GALNT13: variants seen among roughly 807,000 people sequenced by gnomAD.
The protein encoded by GALNT13 is UDP-GalNAc:polypeptide N-acetylgalactosaminyltransferase 13.
A neutral mutation model predicts 64.2 loss-of-function variants in GALNT13; 28 were observed. That is an observed-to-expected ratio of 0.44 (90% CI 0.32 to 0.60). GALNT13 has a LOEUF of 0.60. GALNT13 is among the 20% of genes least tolerant of loss of function. GALNT13 has a pLI of 0.05. For missense variants in GALNT13, 577 were observed against 669.8 expected (o/e 0.86, Z 1.53); for synonymous variants, 214 against 224.6 (o/e 0.95, Z 0.42).
intron 4 of GALNT13, among the ~76,000 whole-genome samples, chr2:154,206,674 G>A (rs940294328): frequency 6.6e-6 from 1 of 151,802 alleles, no homozygotes; most frequent in Non-Finnish European, 1.5e-5. Flanking sequence ...GTGGGTGCCT[G>A]TAATCCCAGC....
At chr2:153,918,231 T>G (rs11692421) in intron 2 of GALNT13, among the ~76,000 whole-genome samples, 117,463 of 152,020 alleles carry the variant, frequency 0.77, 45,799 homozygotes, top group East Asian at 0.96. Flanking sequence ...AAAAATATCT[T>G]TCTACCACTT....
chr2:154,025,855 C>T (rs1697920958), intron 3 of GALNT13, among the ~76,000 whole-genome samples: 1 of 151,986 alleles, frequency 6.6e-6, no homozygotes, highest in Non-Finnish European at 1.5e-5. Context: ...TAGGGGGTAA[C>T]TGGGTCTTGA....
intron 11 of GALNT13, among the ~76,000 whole-genome samples, chr2:154,423,633 A>G (rs780517702): frequency 2.0e-5 from 3 of 152,204 alleles, no homozygotes; most frequent in East Asian, 1.9e-4. Context: ...ACATAAATAC[A>G]TAGCCCCCAA....
intron 3 of GALNT13, among the ~76,000 whole-genome samples, chr2:154,005,450 A>G (rs947580029): frequency 6.6e-6 from 1 of 152,180 alleles, no homozygotes; most frequent in African/African-American, 2.4e-5. Flanking sequence ...AATCTGCAAG[A>G]CTGAAGTTCT....
the GALNT13 span, among the ~76,000 whole-genome samples, chr2:153,774,121 A>G: frequency 6.6e-6 from 1 of 152,120 alleles, no homozygotes; most frequent in Non-Finnish European, 1.5e-5. Flanking sequence ...TCATGTTTTT[A>G]TATTATAGAA....
At chr2:154,225,279 G>C (rs1688558155) in intron 4 of GALNT13, among the ~76,000 whole-genome samples, 1 of 152,026 alleles carries the variant, frequency 6.6e-6, no homozygotes, top group Non-Finnish European at 1.5e-5. Context: ...AAAAATGCAA[G>C]TTAAAACTGT....
intron 11 of GALNT13, among the ~76,000 whole-genome samples, chr2:154,424,026 G>A (rs1230714858): frequency 6.6e-6 from 1 of 152,126 alleles, no homozygotes; most frequent in African/African-American, 2.4e-5. Context: ...ATTCTATAAA[G>A]TGCCTGATAA....
intron 1 of GALNT13, among the ~76,000 whole-genome samples, chr2:153,890,140 T>C (rs1687458599): frequency 6.6e-6 from 1 of 151,962 alleles, no homozygotes; most frequent in South Asian, 2.1e-4. Flanking sequence ...AGGATGTCTT[T>C]GTAACATAAA....
At chr2:154,417,485 A>T (rs1166998086) in intron 11 of GALNT13, among the ~76,000 whole-genome samples, 2 of 139,018 alleles carry the variant, frequency 1.4e-5, no homozygotes, top group East Asian at 4.2e-4. Flanking sequence ...TGACCTTGCC[A>T]TGCTTTTATT....
the GALNT13 span, among the ~76,000 whole-genome samples, chr2:153,648,584 A>T: frequency 6.6e-6 from 1 of 152,136 alleles, no homozygotes; most frequent in African/African-American, 2.4e-5. Flanking sequence ...CCCATTCAGT[A>T]TGATATTGGC....
At chr2:153,271,139 T>C in the GALNT13 span, among the ~76,000 whole-genome samples, 13 of 152,120 alleles carry the variant, frequency 8.5e-5, no homozygotes, top group Admixed American at 7.2e-4. Flanking sequence ...AAGAGCTATT[T>C]ATGACAAACC....
At chr2:153,350,406 G>A in the GALNT13 span, among the ~76,000 whole-genome samples, 5 of 116,288 alleles carry the variant, frequency 4.3e-5, no homozygotes, top group African/African-American at 7.0e-5. Flanking sequence ...TTTTTGAGAC[G>A]GAGTTGCGTT....
chr2:154,090,910 C>T (rs1335168777), intron 3 of GALNT13, among the ~76,000 whole-genome samples: 1 of 151,616 alleles, frequency 6.6e-6, no homozygotes, highest in Non-Finnish European at 1.5e-5. Context: ...TCACATTGGA[C>T]TCTTTTGCAT....
At chr2:153,707,880 T>G in the GALNT13 span, among the ~76,000 whole-genome samples, 1 of 152,178 alleles carries the variant, frequency 6.6e-6, no homozygotes, top group Non-Finnish European at 1.5e-5. Context: ...TCCAGAAGGC[T>G]TCTGGACAGA....
the GALNT13 span, among the ~76,000 whole-genome samples, chr2:153,763,152 T>C: frequency 2.2e-4 from 34 of 152,270 alleles, no homozygotes; most frequent in African/African-American, 7.5e-4. Flanking sequence ...CATACTGAGA[T>C]AAAACTGGTT....
At chr2:153,287,890 C>A in the GALNT13 span, among the ~76,000 whole-genome samples, 1 of 152,138 alleles carries the variant, frequency 6.6e-6, no homozygotes, top group Non-Finnish European at 1.5e-5. Context: ...TGGGCACAGG[C>A]CCGAGGGTGG....
At chr2:154,327,302 A>G (rs1694929135) in intron 9 of GALNT13, among the ~76,000 whole-genome samples, 2 of 151,798 alleles carry the variant, frequency 1.3e-5, no homozygotes, top group Non-Finnish European at 2.9e-5. Context: ...AGTCAACTAA[A>G]CCTCCCTCCT....
At chr2:153,083,883 G>C in the GALNT13 span, among the ~76,000 whole-genome samples, 6 of 152,192 alleles carry the variant, frequency 3.9e-5, no homozygotes, top group African/African-American at 1.4e-4. Context: ...TTAGATTTAA[G>C]TATTTGATCC....
At chr2:154,170,967 T>C (rs1685315141) in intron 4 of GALNT13, among the ~76,000 whole-genome samples, 1 of 152,208 alleles carries the variant, frequency 6.6e-6, no homozygotes, top group African/African-American at 2.4e-5. Context: ...CAAAATCTTA[T>C]AAGCAGTAGT....
Sources: allele counts gnomAD v4.1 joint callset (sites outside exome capture counted in the v4.1 genomes callset), GRCh38; gene constraint gnomAD v4.1.1; transcripts MANE v1.5; gene names NCBI Gene and HGNC (gene_info 2026-07-23, HGNC 2026-07-21).